TESK2: variants seen among roughly 807,000 people sequenced by gnomAD.
TESK2 encodes dual specificity testis-specific protein kinase 2.
Under a neutral mutation model 57.1 loss-of-function variants are expected in TESK2, and 39 were observed. That is an observed-to-expected ratio of 0.68 (90% CI 0.53 to 0.89). The LOEUF (loss-of-function observed/expected upper bound fraction) is 0.89. Among genes scored for constraint, TESK2 ranks in the 40% least tolerant of loss-of-function variants. TESK2 has a pLI of 0.00. For missense variants in TESK2, 646 were observed against 732.1 expected, an observed-to-expected ratio of 0.88 and a Z score of 1.36; for synonymous variants, 249 against 267.9, an observed-to-expected ratio of 0.93 and a Z score of 0.69.
At chr1:45,449,052 A>C (rs559833263) in intron 2 of TESK2, among the ~76,000 whole-genome samples, 1 of 151,880 alleles carries the variant, frequency 6.6e-6, no homozygotes, top group African/African-American at 2.4e-5. Context: ...GTGAAACCCC[A>C]CCTCTACTAA....
chr1:45,435,111 G>A (rs1651143966), intron 2 of TESK2, among the ~76,000 whole-genome samples: 1 of 151,390 alleles, frequency 6.6e-6, no homozygotes, highest in African/African-American at 2.4e-5. Flanking sequence ...CTACAGGTGT[G>A]CACCACCATG....
intron 3 of TESK2, among the ~76,000 whole-genome samples, chr1:45,420,614 C>G (rs1275204187): frequency 6.8e-6 from 1 of 146,666 alleles, no homozygotes; most frequent in Non-Finnish European, 1.5e-5. Flanking sequence ...GTCACCCTGG[C>G]TGGAGTGCAG....
chr1:45,457,042 C>A (rs1277165826), intron 2 of TESK2, among the ~76,000 whole-genome samples: 1 of 152,128 alleles, frequency 6.6e-6, no homozygotes, highest in Non-Finnish European at 1.5e-5. Flanking sequence ...CTATGTTGCC[C>A]AGGCTGCTCT....
At chr1:45,354,831 T>A (rs1297729571) in intron 5 of TESK2, among the ~76,000 whole-genome samples, 3 of 62,960 alleles carry the variant, frequency 4.8e-5, no homozygotes, top group South Asian at 4.9e-4. Flanking sequence ...TATATATATA[T>A]ATATATATAT....
chr1:45,397,772 G>C (rs1557557274), intron 3 of TESK2, among the ~76,000 whole-genome samples: 1 of 152,032 alleles, frequency 6.6e-6, no homozygotes, highest in Admixed American at 6.6e-5. Flanking sequence ...TCTCTGTCTG[G>C]AATCCATTTT....
chr1:45,347,308 G>A (rs534584485), intron 7 of TESK2, among the ~76,000 whole-genome samples: 2 of 152,296 alleles, frequency 1.3e-5, no homozygotes, highest in East Asian at 3.9e-4. Context: ...GCTCATGCCT[G>A]TAATCCCAGC....
chr1:45,348,101 T>C (rs1382401883), intron 5 of TESK2, 101 bp from the exon 6 acceptor site: 4 of 805,168 alleles, frequency 5.0e-6, no homozygotes, highest in South Asian at 2.9e-5. Flanking sequence ...GGGCACCTTG[T>C]CCTCTGCTCC....
intron 2 of TESK2, among the ~76,000 whole-genome samples, chr1:45,444,353 C>G (rs530014286): frequency 1.3e-4 from 20 of 152,250 alleles, no homozygotes; most frequent in African/African-American, 4.6e-4. Flanking sequence ...CCTATTCCCC[C>G]CTTTCCCATT....
rs1557551617 is a variant in TESK2 at position 45,384,616 on chromosome 1, T to TTTA, written c.393+1295_393+1296insTAA. On this transcript the variant is annotated intron_variant, in intron 4 of 10. Coordinates refer to ENST00000372086, the MANE Select transcript of TESK2 (RefSeq NM_007170.3). Reference sequence around the variant, plus strand: ...TAATTTTTTTTTTTTTTTTTTTTTTTTTTTTTTTTTGTAGAGACAGAGCCT... The same window carrying TTTA: ...TAATTTTTTTTTTTTTTTTTTTTTTTTTATTTTTTTTTTGTAGAGACAGAGCCT... Among the ~76,000 whole-genome samples the TTTA allele has an allele frequency of 1.7e-3, 228 of 137,162 alleles. 4 individuals are homozygous for TTTA. The highest frequency in any genetic ancestry group is 5.7e-3 in the African/African-American group (205 of 35,998). 90.0% of individuals were successfully genotyped at this position (137,162 alleles called of 152,430 possible). A position where few individuals can be genotyped will look rare whatever the true frequency, so the allele number is the denominator to read the frequency against.
At chr1:45,393,284 C>G (rs974573411) in intron 3 of TESK2, among the ~76,000 whole-genome samples, 2 of 152,062 alleles carry the variant, frequency 1.3e-5, no homozygotes, top group African/African-American at 2.4e-5. Flanking sequence ...TGCTTTCTTC[C>G]CACCCTCTAC....
intron 4 of TESK2, among the ~76,000 whole-genome samples, chr1:45,355,894 G>A (rs892454690): frequency 6.6e-6 from 1 of 152,132 alleles, no homozygotes; most frequent in Non-Finnish European, 1.5e-5. Flanking sequence ...AATTTACTTC[G>A]ATATGGCCAG....
chr1:45,444,001 T>C (rs1203156992), intron 2 of TESK2, among the ~76,000 whole-genome samples: 2 of 152,042 alleles, frequency 1.3e-5, no homozygotes, highest in Non-Finnish European at 2.9e-5. Flanking sequence ...AACATAGCGA[T>C]ACACTATCTC....
chr1:45,344,539 A>G lies in TESK2; in HGVS notation c.*301T>C. The G allele has an allele frequency of 5.8e-6, 2 of 343,200 alleles. No homozygotes were observed. Among genetic ancestry groups the G allele is most frequent in the African/African-American group, 2.1e-5 (1 of 47,690 alleles). The allele number at this position is 343,200 out of a possible 1,614,324, so 21.3% of individuals were successfully genotyped here. A position where few individuals can be genotyped will look rare whatever the true frequency, so the allele number is the denominator to read the frequency against. On this transcript the variant is annotated 3_prime_UTR_variant, in exon 11 of 11. Transcript: ENST00000372086. ...TAATAGCTGCCTGCCAGCTCAGCCT[A>G]GAACTAGACATCCTCTGGTCCTATC...
chr1:45,413,564 TCA>T (rs1264477264), intron 3 of TESK2, among the ~76,000 whole-genome samples: 1 of 152,228 alleles, frequency 6.6e-6, no homozygotes, highest in Non-Finnish European at 1.5e-5. Flanking sequence ...AATTTTCAAC[TCA>T]TTCTTTTTCT....
At chr1:45,347,204 T>C in intron 7 of TESK2, 142 bp from the exon 8 acceptor site, 1 of 668,722 alleles carries the variant, frequency 1.5e-6, no homozygotes, top group Non-Finnish European at 2.6e-6. Context: ...AGTCAGTCAC[T>C]GGGCAGCTGC....
chr1:45,391,697 C>A (rs1649152313), intron 3 of TESK2, among the ~76,000 whole-genome samples: 1 of 152,174 alleles, frequency 6.6e-6, no homozygotes, highest in South Asian at 2.1e-4. Flanking sequence ...GCTAAAATTT[C>A]ATCTTCTATA....
chr1:45,429,699 T>C (rs968650460), intron 2 of TESK2, among the ~76,000 whole-genome samples: 8 of 152,286 alleles, frequency 5.3e-5, no homozygotes, highest in Non-Finnish European at 1.2e-4. Flanking sequence ...AGTTGTTATC[T>C]GACTTTCCAA....
chr1:45,475,189 G>T (rs984731766), intron 1 of TESK2, among the ~76,000 whole-genome samples: 2 of 147,156 alleles, frequency 1.4e-5, no homozygotes, highest in East Asian at 2.0e-4. Flanking sequence ...AGGAAGTTAG[G>T]TTCCTTGTGT....
intron 1 of TESK2, among the ~76,000 whole-genome samples, chr1:45,481,117 G>A (rs932941499): frequency 6.6e-5 from 10 of 152,142 alleles, no homozygotes; most frequent in Non-Finnish European, 1.2e-4. Flanking sequence ...TGTAATCCCA[G>A]CACTTTGGGA....
Sources: gnomAD v4.1 joint callset for allele counts (sites outside exome capture counted in the v4.1 genomes callset) on GRCh38, gnomAD v4.1.1 for gene constraint, MANE v1.5 for transcripts, NCBI Gene and HGNC (gene_info 2026-07-23, HGNC 2026-07-21) for gene names.